Variants in ADAM22 observed in about 807,000 individuals in gnomAD.
ADAM22 encodes disintegrin and metalloproteinase domain-containing protein 22.
Under a neutral mutation model 144.6 loss-of-function variants are expected in ADAM22, and 65 were observed. The ratio of observed to expected loss-of-function variants is 0.45; its 90% CI spans 0.37 to 0.55. The LOEUF (loss-of-function observed/expected upper bound fraction) is 0.55, where lower values mean the gene tolerates loss of function less well. ADAM22 is among the 20% of genes least tolerant of loss of function. The probability of loss-of-function intolerance (pLI) is 0.00; values close to 1 mark genes in which losing one functional copy is unlikely to be tolerated. For missense variants in ADAM22, 974 were observed against 1,184.9 expected, an observed-to-expected ratio of 0.82 and a Z score of 2.61; for synonymous variants, 391 against 412.6, an observed-to-expected ratio of 0.95 and a Z score of 0.63.
At chr7:88,017,783 G>GTATA (rs561551141) in intron 3 of ADAM22, among the ~76,000 whole-genome samples, 5 of 150,024 alleles carry the variant, frequency 3.3e-5, no homozygotes, top group African/African-American at 1.2e-4. Context: ...ATGTGTGTGT[G>GTATA]TATATATATA....
intron 3 of ADAM22, among the ~76,000 whole-genome samples, chr7:88,070,309 A>T (rs6955194): frequency 0.56 from 84,822 of 151,980 alleles, 24,793 homozygotes; most frequent in East Asian, 0.88. Flanking sequence ...CCTACAAGAT[A>T]CTTAGAAACT....
At chr7:87,954,729 G>C (rs1285523877) in intron 2 of ADAM22, among the ~76,000 whole-genome samples, 1 of 152,178 alleles carries the variant, frequency 6.6e-6, no homozygotes, top group Non-Finnish European at 1.5e-5. Flanking sequence ...ATAATATCCT[G>C]CAGAGTGTTT....
At chr7:88,149,269 C>T (rs1196219124) in intron 18 of ADAM22, among the ~76,000 whole-genome samples, 3 of 152,116 alleles carry the variant, frequency 2.0e-5, no homozygotes, top group Admixed American at 6.6e-5. Flanking sequence ...CCTCAGACTG[C>T]GTGCATGCCT....
intron 4 of ADAM22, among the ~76,000 whole-genome samples, chr7:88,078,004 C>T (rs1815163423): frequency 1.3e-5 from 2 of 152,172 alleles, no homozygotes; most frequent in African/African-American, 4.8e-5. Flanking sequence ...AGTGGTTCTC[C>T]TAGCACGCAG....
At chr7:88,162,060 G>T (rs919296785) in intron 22 of ADAM22, among the ~76,000 whole-genome samples, 4 of 148,616 alleles carry the variant, frequency 2.7e-5, no homozygotes, top group African/African-American at 1.0e-4. Context: ...CAACCTAAAT[G>T]CCCATCAGTG....
chr7:88,048,814 C>A (rs1189998786), intron 3 of ADAM22, among the ~76,000 whole-genome samples: 1 of 152,066 alleles, frequency 6.6e-6, no homozygotes, highest in Non-Finnish European at 1.5e-5. Context: ...TATGGCTACC[C>A]TCTACATTCT....
intron 2 of ADAM22, among the ~76,000 whole-genome samples, chr7:87,944,232 G>A (rs1843016439): frequency 1.3e-5 from 2 of 152,066 alleles, no homozygotes; most frequent in Middle Eastern, 6.8e-3. Flanking sequence ...TTGAACCTAG[G>A]CACTTCAAGG....
At chr7:87,959,171 T>C (rs1282994981) in intron 2 of ADAM22, among the ~76,000 whole-genome samples, 1 of 152,172 alleles carries the variant, frequency 6.6e-6, no homozygotes, top group Non-Finnish European at 1.5e-5. Flanking sequence ...TTAGACTCCA[T>C]GGATTTAAAG....
intron 3 of ADAM22, among the ~76,000 whole-genome samples, chr7:88,071,321 G>T (rs921483208): frequency 6.6e-6 from 1 of 151,186 alleles, no homozygotes; most frequent in South Asian, 2.1e-4. Flanking sequence ...GTATGTGAAT[G>T]ATTGAAATCA....
At chr7:88,050,774 G>A (rs1210036842) in intron 3 of ADAM22, among the ~76,000 whole-genome samples, 3 of 152,030 alleles carry the variant, frequency 2.0e-5, no homozygotes, top group Non-Finnish European at 4.4e-5. Flanking sequence ...TTATCAGATG[G>A]GTAGATTGCA....
At chr7:88,112,163 A>G (rs761590078) in intron 5 of ADAM22, among the ~76,000 whole-genome samples, 38 of 152,180 alleles carry the variant, frequency 2.5e-4, no homozygotes, top group Non-Finnish European at 1.2e-4. Context: ...TTGGGCACAT[A>G]TTGTCAGTAA....
Position 88,163,028 on chromosome 7 carries a change from C to A in ADAM22, c.1924C>A (p.Leu642Ile). Reference sequence around the variant, plus strand: ...TGTTTTTAGTGGTGGGCATGTTAAGCTTGAAGAAGATGTAGATCTTGGCTA... The same window carrying A: ...TGTTTTTAGTGGTGGGCATGTTAAGATTGAAGAAGATGTAGATCTTGGCTA... Reference protein sequence around the residue: ...TLNCSGGHVKLEEDVDLGYVE... With the variant: ...TLNCSGGHVKIEEDVDLGYVE... Residue 642 changes from leucine (L) to isoleucine (I), a missense_variant, in exon 23 of 32, where the codon CTT (leucine) becomes ATT (isoleucine). Transcript: ENST00000413139. 1 of 1,609,278 alleles carries A rather than the reference C, an allele frequency of 6.2e-7. No homozygotes were observed. The highest frequency in any genetic ancestry group is 8.5e-7 in the Non-Finnish European group (1 of 1,177,980).
chr7:88,077,073 A>G (rs1404931937), intron 4 of ADAM22, among the ~76,000 whole-genome samples: 2 of 152,184 alleles, frequency 1.3e-5, no homozygotes, highest in Non-Finnish European at 2.9e-5. Context: ...ATATAGTATC[A>G]TATGTAGCTA....
At chr7:87,987,150 A>G (rs533590498) in intron 3 of ADAM22, among the ~76,000 whole-genome samples, 5 of 152,176 alleles carry the variant, frequency 3.3e-5, no homozygotes, top group East Asian at 1.9e-4. Context: ...GCTCACTGCT[A>G]TTTTTCTCCC....
At chr7:88,193,303 AT>A (rs1469971348) in intron 31 of ADAM22, 64 bp downstream of exon 31, 16 of 1,521,546 alleles carry the variant, frequency 1.1e-5, no homozygotes, top group Admixed American at 2.1e-5. Flanking sequence ...ATGAGTTTAT[AT>A]TTTAAAAGAG....
At chr7:88,064,641 A>G (rs774987547) in intron 3 of ADAM22, among the ~76,000 whole-genome samples, 7 of 152,090 alleles carry the variant, frequency 4.6e-5, no homozygotes, top group Admixed American at 6.6e-5. Context: ...AGGGGTGACA[A>G]ATGCTTTGTT....
At chr7:88,099,071 T>C (rs189560458) in intron 4 of ADAM22, among the ~76,000 whole-genome samples, 25 of 152,338 alleles carry the variant, frequency 1.6e-4, no homozygotes, top group Non-Finnish European at 2.9e-4. Context: ...ATGGGCAGTA[T>C]GTGCCTTATT....
chr7:87,999,283 T>G (rs898515496), intron 3 of ADAM22, among the ~76,000 whole-genome samples: 1 of 152,196 alleles, frequency 6.6e-6, no homozygotes. Context: ...AGATAACATT[T>G]ATGAAACAGT....
chr7:87,991,780 T>C (rs1182149681), intron 3 of ADAM22, among the ~76,000 whole-genome samples: 1 of 152,224 alleles, frequency 6.6e-6, no homozygotes, highest in African/African-American at 2.4e-5. Context: ...GAGTGAAATA[T>C]AAGATCTCAG....
Sources: gnomAD v4.1 joint callset for allele counts (sites outside exome capture counted in the v4.1 genomes callset) on GRCh38, gnomAD v4.1.1 for gene constraint, MANE v1.5 for transcripts, NCBI Gene and HGNC (gene_info 2026-07-23, HGNC 2026-07-21) for gene names.